TRAPPC9: variants seen among roughly 807,000 people sequenced by gnomAD.
The protein encoded by TRAPPC9 is trafficking protein particle complex subunit 9, also known as IKK2 binding protein.
In TRAPPC9, 83 loss-of-function variants were observed where a neutral mutation model predicts 124.0. The observed-to-expected ratio is 0.67, with a 90% CI of 0.56 to 0.80. The LOEUF (loss-of-function observed/expected upper bound fraction) is 0.80. Ranked by LOEUF, TRAPPC9 falls within the 30% of genes least tolerant of loss-of-function variation. The probability of loss-of-function intolerance (pLI) is 0.00; values close to 1 mark genes in which losing one functional copy is unlikely to be tolerated. For missense variants in TRAPPC9, 1,302 were observed against 1,508.3 expected (o/e 0.86, Z 2.27); for synonymous variants, 638 against 617.5 (o/e 1.03, Z -0.49).
chr8:139,797,452 G>T (rs910434891), intron 21 of TRAPPC9, among the ~76,000 whole-genome samples: 25 of 152,172 alleles, frequency 1.6e-4, no homozygotes, highest in Admixed American at 1.6e-3. Flanking sequence ...TAGAGACAGG[G>T]TTTCACCATG....
At chr8:139,768,904 C>T (rs1035065549) in intron 21 of TRAPPC9, among the ~76,000 whole-genome samples, 5 of 152,156 alleles carry the variant, frequency 3.3e-5, no homozygotes, top group South Asian at 2.1e-4. Flanking sequence ...CCAATCCTCT[C>T]GGACTGGTGT....
At chr8:140,194,208 C>T (rs1448717409) in intron 17 of TRAPPC9, among the ~76,000 whole-genome samples, 5 of 152,112 alleles carry the variant, frequency 3.3e-5, no homozygotes, top group Non-Finnish European at 7.4e-5. Flanking sequence ...TCACTGTCCT[C>T]CTTTCTCTGC....
At chr8:140,400,360 G>T (rs1588285164) in intron 6 of TRAPPC9, among the ~76,000 whole-genome samples, 1 of 152,152 alleles carries the variant, frequency 6.6e-6, no homozygotes, top group Non-Finnish European at 1.5e-5. Flanking sequence ...TTGCTATTTT[G>T]CAAAATTTCA....
intron 19 of TRAPPC9, among the ~76,000 whole-genome samples, chr8:139,981,224 A>G (rs1305473147): frequency 1.3e-5 from 2 of 152,198 alleles, no homozygotes; most frequent in African/African-American, 4.8e-5. Flanking sequence ...GGGGTTGCAG[A>G]GACAGCTCTG....
chr8:140,335,307 A>G (rs1251973137), intron 9 of TRAPPC9, among the ~76,000 whole-genome samples: 4 of 152,310 alleles, frequency 2.6e-5, no homozygotes, highest in Non-Finnish European at 5.9e-5. Flanking sequence ...AGGTGTTGAG[A>G]GTCTGAACCA....
chr8:140,002,891 A>T (rs1587466650), intron 18 of TRAPPC9, among the ~76,000 whole-genome samples: 3 of 150,848 alleles, frequency 2.0e-5, no homozygotes, highest in Non-Finnish European at 4.4e-5. Context: ...AAACTTCACA[A>T]TTTATACAAA....
chr8:140,059,716 T>A (rs547495137), intron 17 of TRAPPC9, among the ~76,000 whole-genome samples: 41 of 152,346 alleles, frequency 2.7e-4, no homozygotes, highest in African/African-American at 8.9e-4. Context: ...ATCTATTTAC[T>A]TTCCTTTATG....
At chr8:139,892,884 G>A (rs1435735366) in intron 20 of TRAPPC9, among the ~76,000 whole-genome samples, 1 of 152,180 alleles carries the variant, frequency 6.6e-6, no homozygotes, top group African/African-American at 2.4e-5. Context: ...CACCATCACT[G>A]GCACCCAGTC....
intron 17 of TRAPPC9, among the ~76,000 whole-genome samples, chr8:140,206,434 A>G (rs1449663411): frequency 6.6e-6 from 1 of 152,158 alleles, no homozygotes. Context: ...ATCATAGGAT[A>G]TCTTATGCCT....
rs984310999 is a variant in TRAPPC9 at position 140,445,272 on chromosome 8, G to A, written c.584+5518C>T. ...TGTCTCTAAAGTATATCACAGCTTC[G>A]TGCCCCAGCACCTAGCACAGCACAT... On this transcript the variant is annotated intron_variant, in intron 2 of 22. Coordinates refer to ENST00000438773, the MANE Select transcript of TRAPPC9 (RefSeq NM_001160372.4). Among the ~76,000 whole-genome samples, 4 of 152,092 alleles carry A rather than the reference G, an allele frequency of 2.6e-5. No homozygotes were observed. The East Asian group carries it at 5.8e-4, about 22-fold the overall frequency.
In TRAPPC9 at chr8:140,450,994, T is replaced by TG; in HGVS notation, c.379dup (p.Gln127ProfsTer48). 1.9e-6 allele frequency: 3 copies of TG among 1,614,142 alleles called. No individual in the cohort carries two copies. The highest frequency in any genetic ancestry group is 2.5e-6 in the Non-Finnish European group (3 of 1,180,024). ...GTAGAAAGCCACGTCGGTGCGCGGC[T>TG]GCTCCACGATCTCCCCCTGCAGCCC... On this transcript the variant is annotated frameshift_variant, in exon 2 of 23. Coordinates refer to ENST00000438773, the MANE Select transcript of TRAPPC9 (RefSeq NM_001160372.4). LOFTEE classifies it high-confidence loss of function.
At chr8:139,901,040 G>C (rs1233397015) in intron 20 of TRAPPC9, among the ~76,000 whole-genome samples, 1 of 151,584 alleles carries the variant, frequency 6.6e-6, no homozygotes, top group Non-Finnish European at 1.5e-5. Context: ...AAAAGTAAGT[G>C]CTATGCTCAG....
chr8:139,779,162 C>T (rs987491379), intron 21 of TRAPPC9, among the ~76,000 whole-genome samples: 1 of 152,082 alleles, frequency 6.6e-6, no homozygotes, highest in Non-Finnish European at 1.5e-5. Flanking sequence ...AATTTCATAT[C>T]ACAAACAATG....
At chr8:140,211,809 C>T (rs1042730135) in intron 17 of TRAPPC9, among the ~76,000 whole-genome samples, 4 of 152,142 alleles carry the variant, frequency 2.6e-5, no homozygotes, top group Admixed American at 6.6e-5. Context: ...CTGGAATATC[C>T]GGGTCAAGAA....
At chr8:139,914,210 T>C (rs1831946730) in intron 19 of TRAPPC9, 2 of 152,368 alleles carry the variant, frequency 1.3e-5, no homozygotes, top group Admixed American at 1.3e-4. Context: ...TGACGGTGGG[T>C]GGCTGGAGAG....
At chr8:140,427,402 C>T (rs1018956708) in intron 4 of TRAPPC9, among the ~76,000 whole-genome samples, 6 of 148,792 alleles carry the variant, frequency 4.0e-5, no homozygotes, top group African/African-American at 1.5e-4. Flanking sequence ...CACACACACA[C>T]ACATACACAC....
At chr8:140,448,853 A>G (rs2071357675) in intron 2 of TRAPPC9, among the ~76,000 whole-genome samples, 1 of 152,210 alleles carries the variant, frequency 6.6e-6, no homozygotes, top group Non-Finnish European at 1.5e-5. Context: ...CCTGGTGCTT[A>G]TATCAGCTCT....
At chr8:139,810,620 C>T (rs189508919) in intron 21 of TRAPPC9, among the ~76,000 whole-genome samples, 19 of 152,252 alleles carry the variant, frequency 1.2e-4, no homozygotes, top group South Asian at 4.2e-4. Context: ...CCTCGGTGGA[C>T]GGTGCAGAAG....
intron 21 of TRAPPC9, among the ~76,000 whole-genome samples, chr8:139,871,712 C>T (rs1337360500): frequency 6.6e-6 from 1 of 152,228 alleles, no homozygotes; most frequent in African/African-American, 2.4e-5. Flanking sequence ...AGGCAGCCCC[C>T]CTGAGTCTAG....
Sources: allele counts gnomAD v4.1 joint callset (sites outside exome capture counted in the v4.1 genomes callset), GRCh38; gene constraint gnomAD v4.1.1; transcripts MANE v1.5; gene names NCBI Gene and HGNC (gene_info 2026-07-23, HGNC 2026-07-21).